LRP1B: variants seen among roughly 807,000 people sequenced by gnomAD.
LRP1B encodes the protein low-density lipoprotein receptor-related protein 1B.
LRP1B carries 217 observed loss-of-function variants against 556.6 expected under a neutral mutation model. The observed-to-expected ratio is 0.39, with a 90% CI of 0.35 to 0.44. The LOEUF (loss-of-function observed/expected upper bound fraction) is 0.44, where lower values mean the gene tolerates loss of function less well. LRP1B is among the 20% of genes least tolerant of loss of function. The probability of loss-of-function intolerance (pLI) is 1.00; values close to 1 mark genes in which losing one functional copy is unlikely to be tolerated. For missense variants in LRP1B, 5,053 were observed against 5,620.8 expected, an observed-to-expected ratio of 0.90 and a Z score of 3.23; for synonymous variants, 2,047 against 1,865.8, an observed-to-expected ratio of 1.10 and a Z score of -2.50.
chr2:141,024,539 G>A (rs1206708865), intron 11 of LRP1B, among the ~76,000 whole-genome samples: 3 of 151,920 alleles, frequency 2.0e-5, no homozygotes, highest in African/African-American at 4.8e-5. Context: ...TTGATACAAT[G>A]AAGACATGGA....
chr2:141,899,294 G>T (rs553998556), intron 1 of LRP1B, among the ~76,000 whole-genome samples: 1 of 151,988 alleles, frequency 6.6e-6, no homozygotes, highest in Admixed American at 6.6e-5. Context: ...CTGTCTTCTC[G>T]CAACATAAGA....
intron 2 of LRP1B, among the ~76,000 whole-genome samples, chr2:141,618,988 T>C (rs1403521739): frequency 1.3e-5 from 2 of 152,166 alleles, no homozygotes; most frequent in East Asian, 3.9e-4. Context: ...AAGTAAAACT[T>C]TATAGGGAAG....
intron 1 of LRP1B, among the ~76,000 whole-genome samples, chr2:142,070,119 A>C (rs1705256354): frequency 6.6e-6 from 1 of 151,818 alleles, no homozygotes; most frequent in Non-Finnish European, 1.5e-5. Flanking sequence ...ACCCGTTTGC[A>C]AACACATCAA....
intron 72 of LRP1B, 59 bp downstream of exon 72, chr2:140,364,602 T>C (rs940576600): frequency 4.5e-5 from 72 of 1,586,302 alleles, no homozygotes; most frequent in Non-Finnish European, 6.1e-5. Flanking sequence ...CATTGATTCA[T>C]GCTGGTGCCT....
chr2:140,524,282 A>G (rs1690322553), intron 49 of LRP1B, among the ~76,000 whole-genome samples: 1 of 151,944 alleles, frequency 6.6e-6, no homozygotes, highest in Non-Finnish European at 1.5e-5. Context: ...GTACCATCTC[A>G]TAGTAGTCAG....
rs1051239656 is a variant in LRP1B, at chr2:140,863,624, G to A, written c.4579+3966C>T. ...TTATTCTTTCCTCACTTGCTGCTTC[G>A]ATCTGCAAATGTGAAAATGCAACCC... is the stretch of plus-strand genomic sequence containing the variant. On this transcript the variant is annotated intron_variant, in intron 27 of 90. Transcript: ENST00000389484. Among the ~76,000 whole-genome samples the A allele has an allele frequency of 2.0e-5, 3 of 152,146 alleles. No homozygotes were observed. The East Asian group carries it at 5.8e-4, about 30-fold the overall frequency.
intron 53 of LRP1B, among the ~76,000 whole-genome samples, chr2:140,506,135 A>G (rs1227198858): frequency 5.3e-5 from 8 of 152,094 alleles, no homozygotes; most frequent in Non-Finnish European, 1.0e-4. Context: ...TTACTCAAAT[A>G]TTTGATTTGG....
intron 11 of LRP1B, among the ~76,000 whole-genome samples, chr2:141,030,769 AT>A (rs1698345669): frequency 6.6e-6 from 1 of 152,076 alleles, no homozygotes; most frequent in Non-Finnish European, 1.5e-5. Flanking sequence ...GCATATTTTG[AT>A]GAGAACTCTG....
chr2:140,836,691 A>G (rs564868309), intron 31 of LRP1B, among the ~76,000 whole-genome samples: 1 of 152,200 alleles, frequency 6.6e-6, no homozygotes, highest in Non-Finnish European at 1.5e-5. Flanking sequence ...TCTGGGGCAG[A>G]CAGAGATGTG....
intron 18 of LRP1B, among the ~76,000 whole-genome samples, chr2:140,973,055 TA>T (rs1558774310): frequency 0.023 from 183 of 8,036 alleles, 1 homozygote; most frequent in East Asian, 0.11. Context: ...TTTCATTTTA[TA>T]TATATATATA....
Position 140,714,644 on chromosome 2 carries a change from C to T in LRP1B, c.6023+1329G>A, listed in dbSNP as rs115324381. Among the ~76,000 whole-genome samples the T allele has an allele frequency of 6.6e-3, 1,007 of 152,210 alleles. 6 individuals carry two copies. Among genetic ancestry groups the T allele is most frequent in the African/African-American group, 0.023 (958 of 41,532 alleles). On this transcript the variant is annotated intron_variant, in intron 37 of 90. Coordinates refer to ENST00000389484, the MANE Select transcript of LRP1B (RefSeq NM_018557.3). ...TAGAAACAAACTAAACATCCATTTC[C>T]AGTGTATCTATGGGATTGCATAACT...
At chr2:142,023,260 C>T (rs1288442115) in intron 1 of LRP1B, among the ~76,000 whole-genome samples, 1 of 152,184 alleles carries the variant, frequency 6.6e-6, no homozygotes, top group Non-Finnish European at 1.5e-5. Flanking sequence ...GTTGCCTTCT[C>T]TCCAGCCCAT....
chr2:140,427,131 C>T (rs371111687), intron 66 of LRP1B, among the ~76,000 whole-genome samples: 12 of 152,184 alleles, frequency 7.9e-5, no homozygotes, highest in South Asian at 2.1e-4. Context: ...GCGCCGGTCA[C>T]GGACTCGGGA....
At chr2:140,370,357 G>A (rs1466430148) in intron 71 of LRP1B, among the ~76,000 whole-genome samples, 2 of 151,922 alleles carry the variant, frequency 1.3e-5, no homozygotes, top group Non-Finnish European at 1.5e-5. Flanking sequence ...TGAAAGGAAA[G>A]GATATACAGA....
chr2:140,812,581 CA>C (rs1231314573), intron 32 of LRP1B, among the ~76,000 whole-genome samples: 2 of 149,652 alleles, frequency 1.3e-5, no homozygotes, highest in Admixed American at 1.3e-4. Context: ...AATTCATTAC[CA>C]AAAAAATAAT....
chr2:140,335,346 A>C (rs1681026146), intron 78 of LRP1B, among the ~76,000 whole-genome samples: 1 of 151,982 alleles, frequency 6.6e-6, no homozygotes, highest in Non-Finnish European at 1.5e-5. Flanking sequence ...ATTATTCTGC[A>C]ATACACACAT....
At chr2:140,848,135 G>A (rs1692332512) in intron 29 of LRP1B, among the ~76,000 whole-genome samples, 1 of 152,032 alleles carries the variant, frequency 6.6e-6, no homozygotes, top group Admixed American at 6.6e-5. Context: ...TTTCTTGAGG[G>A]AAGACCACCT....
chr2:140,421,734 CT>C (rs1321953762), intron 66 of LRP1B, among the ~76,000 whole-genome samples: 1 of 152,170 alleles, frequency 6.6e-6, no homozygotes, highest in Non-Finnish European at 1.5e-5. Context: ...CTCTCATCAG[CT>C]TTCTAAGGCC....
chr2:140,869,527 A>C (rs1693059203), intron 25 of LRP1B, among the ~76,000 whole-genome samples: 1 of 152,140 alleles, frequency 6.6e-6, no homozygotes, highest in Admixed American at 6.6e-5. Context: ...TATTATACAG[A>C]GAATAGATAA....
Sources: gnomAD v4.1 joint callset for allele counts (sites outside exome capture counted in the v4.1 genomes callset) on GRCh38, gnomAD v4.1.1 for gene constraint, MANE v1.5 for transcripts, NCBI Gene and HGNC (gene_info 2026-07-23, HGNC 2026-07-21) for gene names.